ABTB3: variants seen among roughly 807,000 people sequenced by gnomAD.
ABTB3 encodes the protein ankyrin repeat- and BTB/POZ domain-containing protein 3.
the ABTB3 span, among the ~76,000 whole-genome samples, chr12:107,637,781 T>A: frequency 5.3e-4 from 64 of 120,852 alleles, no homozygotes; most frequent in Non-Finnish European, 9.7e-4. Flanking sequence ...CGGAGAGCAC[T>A]GATTTTGTGT....
chr12:107,476,048 C>T, the ABTB3 span, among the ~76,000 whole-genome samples: 4 of 152,284 alleles, frequency 2.6e-5, no homozygotes, highest in African/African-American at 7.2e-5. Flanking sequence ...TGCAAACATC[C>T]GTCCCCCAGA....
At chr12:107,515,398 A>G in the ABTB3 span, among the ~76,000 whole-genome samples, 2 of 152,218 alleles carry the variant, frequency 1.3e-5, no homozygotes, top group Non-Finnish European at 2.9e-5. Context: ...TTTGCTGTGA[A>G]GTCCCCTCTG....
the ABTB3 span, among the ~76,000 whole-genome samples, chr12:107,322,418 G>C: frequency 6.6e-6 from 1 of 152,160 alleles, no homozygotes. Flanking sequence ...TAAAGAATGA[G>C]TGATTAATTC....
At chr12:107,417,175 C>T in the ABTB3 span, among the ~76,000 whole-genome samples, 2 of 152,210 alleles carry the variant, frequency 1.3e-5, no homozygotes, top group African/African-American at 4.8e-5. Flanking sequence ...AGCGTAGGTA[C>T]ACTCATTGAT....
At chr12:107,332,068 C>T in the ABTB3 span, among the ~76,000 whole-genome samples, 3 of 152,244 alleles carry the variant, frequency 2.0e-5, no homozygotes, top group East Asian at 3.9e-4. Flanking sequence ...CAGCTGGGAG[C>T]GTGTGCTGGG....
At chr12:107,428,412 C>T in the ABTB3 span, among the ~76,000 whole-genome samples, 1 of 152,282 alleles carries the variant, frequency 6.6e-6, no homozygotes, top group East Asian at 1.9e-4. Flanking sequence ...CATGTTCAGC[C>T]TCACCTGGGA....
At chr12:107,437,372 A>C in the ABTB3 span, among the ~76,000 whole-genome samples, 1 of 146,046 alleles carries the variant, frequency 6.8e-6, no homozygotes, top group African/African-American at 2.5e-5. Flanking sequence ...TGTCTCTCAA[A>C]TCTCCCTCTG....
chr12:107,528,201 C>A, the ABTB3 span, among the ~76,000 whole-genome samples: 1 of 152,094 alleles, frequency 6.6e-6, no homozygotes, highest in Non-Finnish European at 1.5e-5. Flanking sequence ...ACAGATGATC[C>A]TGAGTCAGGT....
At chr12:107,343,494 G>T in the ABTB3 span, among the ~76,000 whole-genome samples, 1 of 152,230 alleles carries the variant, frequency 6.6e-6, no homozygotes, top group East Asian at 1.9e-4. Context: ...GAAAGTATTG[G>T]CCAATCCGAT....
chr12:107,344,004 C>A, the ABTB3 span, among the ~76,000 whole-genome samples: 1 of 152,144 alleles, frequency 6.6e-6, no homozygotes, highest in South Asian at 2.1e-4. Flanking sequence ...GAGAGCTAAA[C>A]CTTATCTGTA....
the ABTB3 span, among the ~76,000 whole-genome samples, chr12:107,579,433 C>A: frequency 6.6e-6 from 1 of 152,180 alleles, no homozygotes; most frequent in Non-Finnish European, 1.5e-5. Flanking sequence ...TGATACCTAA[C>A]CTGGATCAAC....
the ABTB3 span, among the ~76,000 whole-genome samples, chr12:107,633,211 C>T: frequency 6.6e-6 from 1 of 152,128 alleles, no homozygotes; most frequent in Non-Finnish European, 1.5e-5. Flanking sequence ...CTACAAAAGA[C>T]ACCCCAGAGG....
the ABTB3 span, chr12:107,581,102 C>CCTCCGGGGAGGCCCTAACGCGCGT: frequency 6.5e-7 from 1 of 1,545,740 alleles, no homozygotes; most frequent in Non-Finnish European, 8.7e-7. Flanking sequence ...GCAGCCCCTG[C>CCTCCGGGGAGGCCCTAACGCGCGT]CTCCGGGGAG....
the ABTB3 span, among the ~76,000 whole-genome samples, chr12:107,388,487 TCTC>T: frequency 2.6e-3 from 393 of 150,618 alleles, 2 homozygotes; most frequent in African/African-American, 8.7e-3. Context: ...TTCCTCCCCT[TCTC>T]CTCATCTTCT....
chr12:107,575,040 C>T, the ABTB3 span, among the ~76,000 whole-genome samples: 3 of 152,228 alleles, frequency 2.0e-5, no homozygotes, highest in African/African-American at 7.2e-5. Context: ...TAGAAACCAG[C>T]ACCGAATATG....
chr12:107,545,241 C>T, the ABTB3 span, among the ~76,000 whole-genome samples: 1 of 151,836 alleles, frequency 6.6e-6, no homozygotes, highest in Admixed American at 6.6e-5. Flanking sequence ...TTTTCTTTTT[C>T]TTTTTCTTTT....
the ABTB3 span, among the ~76,000 whole-genome samples, chr12:107,355,014 T>C: frequency 6.4e-4 from 97 of 152,362 alleles, 1 homozygote; most frequent in South Asian, 0.019. Context: ...TGAGTAGCAT[T>C]CCATTGCATG....
At chr12:107,628,348 G>C in the ABTB3 span, among the ~76,000 whole-genome samples, 1 of 152,104 alleles carries the variant, frequency 6.6e-6, no homozygotes, top group African/African-American at 2.4e-5. Context: ...TTACCATGTT[G>C]GTCAGGCTGG....
the ABTB3 span, among the ~76,000 whole-genome samples, chr12:107,582,796 C>T: frequency 2.6e-5 from 4 of 152,262 alleles, no homozygotes; most frequent in East Asian, 3.9e-4. Flanking sequence ...CAGGGGTGGG[C>T]GGGGCACATT....
Sources: gnomAD v4.1 joint callset for allele counts (sites outside exome capture counted in the v4.1 genomes callset) on GRCh38, gnomAD v4.1.1 for gene constraint, MANE v1.5 for transcripts, NCBI Gene and HGNC (gene_info 2026-07-23, HGNC 2026-07-21) for gene names.